ANK3: variants seen among roughly 807,000 people sequenced by gnomAD.
The protein encoded by ANK3 is ankyrin 3.
In ANK3, 57 loss-of-function variants were observed where a neutral mutation model predicts 370.9. The observed-to-expected ratio is 0.15, with a 90% CI of 0.12 to 0.19. The LOEUF (loss-of-function observed/expected upper bound fraction) is 0.19, where lower values mean the gene tolerates loss of function less well. ANK3 is among the 10% of genes least tolerant of loss of function. ANK3 has a pLI of 1.00. For synonymous variants in ANK3, 1,929 were observed against 1,946.3 expected (o/e 0.99, Z 0.23); for missense variants, 4,439 against 5,302.1 (o/e 0.84, Z 5.06).
intron 2 of ANK3, among the ~76,000 whole-genome samples, chr10:60,529,050 A>G (rs1009276828): frequency 6.6e-6 from 1 of 152,124 alleles, no homozygotes; most frequent in South Asian, 2.1e-4. Flanking sequence ...TACCATGAAC[A>G]TTGTGATCTA....
At chr10:60,081,406 T>C (rs1021914539) in intron 35 of ANK3, 2 of 344,720 alleles carry the variant, frequency 5.8e-6, no homozygotes, top group South Asian at 2.4e-5. Context: ...AGAGGTACTA[T>C]TACTGCATCC....
At chr10:60,270,020 A>G in intron 5 of ANK3, 111 bp downstream of exon 5, 1 of 571,712 alleles carries the variant, frequency 1.7e-6, no homozygotes, top group East Asian at 3.0e-5. Context: ...GAACCCACAC[A>G]TTAATATAAA....
intron 1 of ANK3, among the ~76,000 whole-genome samples, chr10:60,667,142 T>A (rs2079006716): frequency 6.7e-6 from 1 of 149,162 alleles, no homozygotes; most frequent in Non-Finnish European, 1.5e-5. Flanking sequence ...TTCTTCTTAG[T>A]TTTTTTCCTG....
At chr10:60,274,499 G>C (rs1442078820) in intron 4 of ANK3, among the ~76,000 whole-genome samples, 1 of 152,090 alleles carries the variant, frequency 6.6e-6, no homozygotes, top group Non-Finnish European at 1.5e-5. Flanking sequence ...GACTTGTCCT[G>C]GATGGACTGA....
chr10:60,095,896 G>A (rs1444253207), intron 28 of ANK3, among the ~76,000 whole-genome samples: 2 of 152,148 alleles, frequency 1.3e-5, no homozygotes, highest in Non-Finnish European at 2.9e-5. Flanking sequence ...ATCAGAGGCC[G>A]GGTACAGTGG....
chr10:60,269,427 C>A (rs960745053), intron 5 of ANK3, among the ~76,000 whole-genome samples: 1 of 152,036 alleles, frequency 6.6e-6, no homozygotes, highest in African/African-American at 2.4e-5. Context: ...GGGTGGATCA[C>A]GCGGTCAGGA....
Position 60,029,251 on chromosome 10 carries a change from C to T in ANK3, c.*595G>A, listed in dbSNP as rs1194843707. Reference sequence around the variant, plus strand: ...TCTAGGGTGAAGTCACTTGAGACCCCTATTTGTTAAATGCATTTGCAATAT... The same window carrying T: ...TCTAGGGTGAAGTCACTTGAGACCCTTATTTGTTAAATGCATTTGCAATAT... On this transcript the variant is annotated 3_prime_UTR_variant, in exon 44 of 44. Transcript: ENST00000280772. 2 of 152,252 alleles carry T rather than the reference C, an allele frequency of 1.3e-5. No homozygotes were observed. Among genetic ancestry groups the T allele is most frequent in the Admixed American group, 6.6e-5 (1 of 15,262 alleles). 9.4% of individuals were successfully genotyped at this position (152,252 alleles called of 1,614,324 possible).
At chr10:60,648,788 C>T (rs1180863291) in intron 1 of ANK3, among the ~76,000 whole-genome samples, 2 of 68,076 alleles carry the variant, frequency 2.9e-5, no homozygotes, top group East Asian at 3.8e-4. Context: ...AAAAAAAATT[C>T]TTGCTGGGAG....
rs36020591 is a variant in ANK3, at chr10:60,043,877, T to TA, written c.13066-1119dup. On this transcript the variant is annotated intron_variant, in intron 42 of 43. Coordinates refer to ENST00000280772, the MANE Select transcript of ANK3 (RefSeq NM_020987.5). ...TCTTTGTGAAAACTCTGAAGACAGT[T>TA]AAAAAAAAAAAGTATGTAACAAAGA... 7.1e-4 allele frequency: 666 copies of TA among 936,354 alleles called. No homozygotes were observed. In the African/African-American group the frequency reaches 7.8e-3, roughly 11 times the overall value. The allele number at this position is 936,354 out of a possible 1,614,324, so 58.0% of individuals were successfully genotyped here. A position where few individuals can be genotyped will look rare whatever the true frequency, so the allele number is the denominator to read the frequency against.
At chr10:60,045,742 A>T (rs2076843382) in intron 42 of ANK3, among the ~76,000 whole-genome samples, 1 of 152,238 alleles carries the variant, frequency 6.6e-6, no homozygotes, top group Admixed American at 6.5e-5. Context: ...TGTTACTGGC[A>T]TGGAAAAGAT....
intron 2 of ANK3, among the ~76,000 whole-genome samples, chr10:60,553,098 C>T (rs1024867193): frequency 2.6e-5 from 4 of 152,134 alleles, no homozygotes; most frequent in Non-Finnish European, 4.4e-5. Flanking sequence ...TGGACTAATA[C>T]AGTGATAATA....
chr10:60,350,626 A>G (rs1412489946), intron 1 of ANK3, among the ~76,000 whole-genome samples: 1 of 151,900 alleles, frequency 6.6e-6, no homozygotes, highest in East Asian at 1.9e-4. Flanking sequence ...TCTAATCGCT[A>G]AAGGAAAAGC....
At chr10:60,336,758 T>A (rs184983357) in intron 1 of ANK3, among the ~76,000 whole-genome samples, 59 of 152,346 alleles carry the variant, frequency 3.9e-4, no homozygotes, top group Admixed American at 3.0e-3. Flanking sequence ...CAGATGATGC[T>A]TTTAACTAGC....
rs371198398 is a variant in ANK3, at chr10:60,276,049, AAAAG to A, written c.414+2721_414+2724del. ...AATGATTACTGGAATGTTAAGTACTAAAAGAAAGAGTTAACTTGTTAAGACCTAA... is the reference window on the plus strand; with the variant it reads ...AATGATTACTGGAATGTTAAGTACTAAAAGAGTTAACTTGTTAAGACCTAA... On this transcript the variant is annotated intron_variant, in intron 4 of 43. Transcript: ENST00000280772. Among the ~76,000 whole-genome samples, 167 of 152,322 alleles carry A rather than the reference AAAAG, an allele frequency of 1.1e-3. 1 individual carries two copies. The highest frequency in any genetic ancestry group is 3.9e-3 in the African/African-American group (161 of 41,582).
At chr10:60,362,954 C>T (rs904060180) in intron 1 of ANK3, among the ~76,000 whole-genome samples, 8 of 152,048 alleles carry the variant, frequency 5.3e-5, no homozygotes, top group Non-Finnish European at 1.0e-4. Context: ...CTATCCTGGA[C>T]ATAGATGACT....
intron 2 of ANK3, among the ~76,000 whole-genome samples, chr10:60,437,533 C>T (rs568752940): frequency 2.0e-5 from 3 of 152,280 alleles, no homozygotes; most frequent in South Asian, 4.1e-4. Flanking sequence ...CAGTGCCTGG[C>T]ACTGAAGAGG....
chr10:60,670,074 C>T (rs2079046936), intron 1 of ANK3, among the ~76,000 whole-genome samples: 1 of 152,132 alleles, frequency 6.6e-6, no homozygotes, highest in Non-Finnish European at 1.5e-5. Context: ...ATCCTTTCGT[C>T]TCAGCCTCCC....
At chr10:60,436,213 T>C (rs2064155310) in intron 2 of ANK3, among the ~76,000 whole-genome samples, 1 of 152,264 alleles carries the variant, frequency 6.6e-6, no homozygotes, top group Non-Finnish European at 1.5e-5. Context: ...TCTCCGTTCA[T>C]CAGTTGATGA....
rs1168363307 is a variant in ANK3, at chr10:60,076,794, T to C, written c.4433-346A>G. On this transcript the variant is annotated intron_variant, in intron 36 of 43. Transcript: ENST00000280772. ...AAAAATAACCATAATGGAAAACTGT[T>C]CCCTACTTCCTATTGACTTTCTTAT... is the stretch of plus-strand genomic sequence containing the variant. Among the ~76,000 whole-genome samples the C allele has an allele frequency of 6.6e-5, 10 of 152,242 alleles. No homozygotes were observed. In the East Asian group the frequency reaches 1.9e-3, roughly 29 times the overall value.
Sources: allele counts gnomAD v4.1 joint callset (sites outside exome capture counted in the v4.1 genomes callset), GRCh38; gene constraint gnomAD v4.1.1; transcripts MANE v1.5; gene names NCBI Gene and HGNC (gene_info 2026-07-23, HGNC 2026-07-21).